The following PIEZO1 variants were observed in gnomAD, a reference collection of about 807,000 sequenced individuals.
PIEZO1 encodes piezo-type mechanosensitive ion channel component 1.
PIEZO1 carries 296 observed loss-of-function variants against 297.2 expected under a neutral mutation model. The ratio of observed to expected loss-of-function variants is 1.00; its 90% CI spans 0.91 to 1.10. PIEZO1 has a LOEUF of 1.10. Among genes scored for constraint, PIEZO1 ranks in the 50% least tolerant of loss-of-function variants. The pLI is 0.00. For missense variants in PIEZO1, 5,018 were observed against 3,455.5 expected, an observed-to-expected ratio of 1.45 and a Z score of -11.34; for synonymous variants, 2,427 against 1,507.5, an observed-to-expected ratio of 1.61 and a Z score of -14.13.
intron 1 of PIEZO1, among the ~76,000 whole-genome samples, chr16:88,778,601 C>T (rs2911458): frequency 0.32 from 49,300 of 152,140 alleles, 8,462 homozygotes; most frequent in East Asian, 0.44. Context: ...GCAGGACAGC[C>T]GTCCACTGCA....
At chr16:88,753,194 AC>A (rs1906483000) in intron 1 of PIEZO1, among the ~76,000 whole-genome samples, 1 of 74,176 alleles carries the variant, frequency 1.3e-5, no homozygotes, top group African/African-American at 5.6e-5. Context: ...CCCAGAGCAC[AC>A]CCCGCCCCCC....
rs565418653 is a variant in PIEZO1, at chr16:88,722,202, C to T, written c.4955+16G>A. On this transcript the variant is annotated intron_variant, in intron 36 of 50. Transcript: ENST00000301015. ...GGGCCATGGTGAGGCTGGTGTTGTG[C>T]GCGTCCCGCCCCCACCTGTCCAGGA... 3.5e-5 allele frequency: 54 copies of T among 1,540,890 alleles called. No individual in the cohort carries two copies. Among genetic ancestry groups the T allele is most frequent in the Non-Finnish European group, 4.3e-5 (49 of 1,145,046 alleles).
chr16:88,762,878 G>A (rs1053267373), intron 1 of PIEZO1, among the ~76,000 whole-genome samples: 1 of 152,154 alleles, frequency 6.6e-6, no homozygotes, highest in East Asian at 1.9e-4. Flanking sequence ...GAGTTCACAG[G>A]TCCCACAGGC....
At position 88,721,952 on chromosome 16, in the gene PIEZO1, G is replaced by C. The variant is rs755575312; in HGVS notation, c.5070C>G (p.Leu1690=). ...YQCVAAHSEL[L]CYFIIILNHM... ...GGTTGAGGATGATGATGAAGTAGCA[G>C]AGCAGCTCCGAGTGGGCGGCCACAC... is the stretch of plus-strand genomic sequence containing the variant. Residue 1690 remains leucine (L), a synonymous_variant, in exon 37 of 51, where the codon CTC becomes CTG. Coordinates refer to ENST00000301015, the MANE Select transcript of PIEZO1 (RefSeq NM_001142864.4). 1 of 1,550,012 alleles carries C rather than the reference G, an allele frequency of 6.5e-7. No individual in the cohort carries two copies. The highest frequency in any genetic ancestry group is 1.4e-5 in the African/African-American group (1 of 73,042).
At chr16:88,784,061 T>C (rs1334176607) in intron 1 of PIEZO1, among the ~76,000 whole-genome samples, 1 of 152,186 alleles carries the variant, frequency 6.6e-6, no homozygotes, top group East Asian at 1.9e-4. Flanking sequence ...GGGTCCCGGC[T>C]AGGCCAGGGT....
At chr16:88,718,706 TTTC>T (rs931770212) in intron 44 of PIEZO1, 7 of 151,980 alleles carry the variant, frequency 4.6e-5, no homozygotes, top group African/African-American at 1.5e-4. Context: ...GGGCACTGGG[TTTC>T]TTCTTTTTAC....
intron 13 of PIEZO1, 40 bp downstream of exon 13, chr16:88,735,095 C>A: frequency 1.3e-6 from 2 of 1,549,694 alleles, no homozygotes; most frequent in Non-Finnish European, 1.7e-6. Flanking sequence ...TCAGGGCGGG[C>A]AGGCAGGAGG....
chr16:88,745,376 CG>C (rs1338899370), intron 2 of PIEZO1: 1 of 152,246 alleles, frequency 6.6e-6, no homozygotes, highest in African/African-American at 2.4e-5. Context: ...CGCTGCCTGC[CG>C]GAGGGAGCCC....
In PIEZO1 at chr16:88,737,817, G is replaced by A. The variant is rs1246100497; in HGVS notation, c.1021-3C>T. ...TACCCCTTTGCCGCCTCCTTCCTCT[G>A]CAGAGACCAGCGTCTTGAGCCCAAA... On this transcript the variant is annotated splice_polypyrimidine_tract_variant and splice_region_variant and intron_variant, in intron 8 of 50. Coordinates refer to ENST00000301015, the MANE Select transcript of PIEZO1 (RefSeq NM_001142864.4). The A allele has an allele frequency of 5.2e-6, 8 of 1,535,690 alleles. No homozygotes were observed. Among genetic ancestry groups the A allele is most frequent in the Non-Finnish European group, 7.0e-6 (8 of 1,146,618 alleles).
rs587777765 is a variant in PIEZO1, at chr16:88,727,144, G to T, written c.3350C>A (p.Ser1117Ter). The T allele has an allele frequency of 2.6e-6, 4 of 1,549,294 alleles. No homozygotes were observed. Among genetic ancestry groups the T allele is most frequent in the Non-Finnish European group, 3.5e-6 (4 of 1,146,366 alleles). Reference sequence around the variant, plus strand: ...CTGCCACTCCTCTGTGCGCTCAGCTGAGAACACCTGCCACTGCTGGGAGGC... The same window carrying T: ...CTGCCACTCCTCTGTGCGCTCAGCTTAGAACACCTGCCACTGCTGGGAGGC... ...LCASQQWQVFSAERTEEWQRM... is the reference protein window; with the variant it reads ...LCASQQWQVF The change falls in exon 24 of 51, where the codon TCA (serine) becomes TAA (stop). Residue 1117 changes from serine to a stop codon, truncating the protein, a stop_gained. Transcript: ENST00000301015. LOFTEE classifies it high-confidence loss of function.
chr16:88,753,887 G>C (rs906917516), intron 1 of PIEZO1, among the ~76,000 whole-genome samples: 1 of 152,224 alleles, frequency 6.6e-6, no homozygotes, highest in Non-Finnish European at 1.5e-5. Context: ...ATCAGGCTCA[G>C]GCAGAGAAGG....
chr16:88,717,669 T>G, intron 44 of PIEZO1: 2 of 442,862 alleles, frequency 4.5e-6, no homozygotes, highest in South Asian at 3.3e-5. Context: ...ATAAATACTT[T>G]GTGCTTCCAA....
At chr16:88,726,047 GAC>G (rs1331565059) in intron 27 of PIEZO1, 27 of 574,412 alleles carry the variant, frequency 4.7e-5, no homozygotes, top group African/African-American at 3.7e-4. Flanking sequence ...CTGGGGGTGA[GAC>G]ACCAGCCACC....
chr16:88,736,469 C>A, intron 11 of PIEZO1, 61 bp from the exon 12 acceptor site: 1 of 1,020,310 alleles, frequency 9.8e-7, no homozygotes. Context: ...ATGCCCCACA[C>A]CTGCGCGGCA....
intron 41 of PIEZO1, 21 bp downstream of exon 41, chr16:88,720,364 T>G: frequency 6.5e-7 from 1 of 1,550,280 alleles, no homozygotes; most frequent in East Asian, 2.4e-5. Flanking sequence ...ACACTGGGTT[T>G]GGGTCCCGGG....
chr16:88,731,485 A>T, intron 22 of PIEZO1: 1 of 569,480 alleles, frequency 1.8e-6, no homozygotes, highest in Admixed American at 3.2e-5. Context: ...TGGGCAAAAA[A>T]GGAAAAGAGA....
At chr16:88,756,965 A>C (rs1181601781) in intron 1 of PIEZO1, among the ~76,000 whole-genome samples, 1 of 151,874 alleles carries the variant, frequency 6.6e-6, no homozygotes, top group Admixed American at 6.6e-5. Context: ...AGTCCCAGCT[A>C]CTTGGGGGGC....
intron 37 of PIEZO1, 25 bp downstream of exon 37, chr16:88,721,783 C>T (rs1912475202): frequency 3.9e-6 from 6 of 1,537,836 alleles, no homozygotes; most frequent in Non-Finnish European, 3.5e-6. Context: ...GGCCGGGCGC[C>T]CCCTCCCCCG....
rs201104063 is a variant in PIEZO1, at chr16:88,715,683, C to T, written c.7488G>A (p.Glu2496=). The change falls in exon 51 of 51, where the codon GAG becomes GAA. Residue 2496 remains glutamate, a synonymous_variant. Transcript: ENST00000301015. ...LVRETRELEL[E]EELYAKLIFL... ...AGATGAGCTTGGCGTACAACTCCTC[C>T]TCCAGCTCCAGCTCCCGAGTCTCCC... 5 of 1,550,168 alleles carry T rather than the reference C, an allele frequency of 3.2e-6. No homozygotes were observed. Among genetic ancestry groups the T allele is most frequent in the East Asian group, 2.4e-5 (1 of 40,928 alleles).
Sources: gnomAD v4.1 joint callset for allele counts (sites outside exome capture counted in the v4.1 genomes callset) on GRCh38, gnomAD v4.1.1 for gene constraint, MANE v1.5 for transcripts, NCBI Gene and HGNC (gene_info 2026-07-23, HGNC 2026-07-21) for gene names.